The following PABIR2 variants were observed in gnomAD, a reference collection of about 807,000 sequenced individuals.
PABIR2 encodes the protein PABIR family member 2, also known as family with sequence similarity 122B.
PABIR2 carries 7 observed loss-of-function variants against 22.8 expected under a neutral mutation model. That is an observed-to-expected ratio of 0.31 (90% CI 0.17 to 0.58). PABIR2 has a LOEUF of 0.58. Ranked by LOEUF, PABIR2 falls within the 20% of genes least tolerant of loss-of-function variation. The pLI is 0.89. For synonymous variants in PABIR2, 67 were observed against 73.8 expected, an observed-to-expected ratio of 0.91 and a Z score of 0.47; for missense variants, 155 against 205.1, an observed-to-expected ratio of 0.76 and a Z score of 1.49.
Position 134,769,770 on chromosome X carries a change from G to T in PABIR2, c.*2369C>A, listed in dbSNP as rs1414643186. ...TTTCAAATAGAAGCCTGAAATATAT[G>T]ATATATATTAGAATAGGAAGAGAGA... On this transcript the variant is annotated 3_prime_UTR_variant, in exon 10 of 10. Coordinates refer to ENST00000343004, the MANE Select transcript of PABIR2 (RefSeq NM_001387468.1). 1 of 111,540 alleles carries T rather than the reference G, an allele frequency of 9.0e-6. No individual in the cohort carries two copies. Among genetic ancestry groups the T allele is most frequent in the Non-Finnish European group, 1.9e-5 (1 of 53,047 alleles). The allele number at this position is 111,540 out of a possible 1,213,427, so 9.2% of individuals were successfully genotyped here.
chrX:134,785,598 C>T (rs1034949826), intron 8 of PABIR2, among the ~76,000 whole-genome samples: 3 of 110,318 alleles, frequency 2.7e-5, no homozygotes, highest in South Asian at 3.9e-4. Context: ...CCTGCCACCA[C>T]GCCCAGCTAA....
chrX:134,787,761 G>A (rs1301341067), intron 6 of PABIR2, among the ~76,000 whole-genome samples: 1 of 103,895 alleles, frequency 9.6e-6, no homozygotes, highest in Admixed American at 1.1e-4. Flanking sequence ...GACTACAGGT[G>A]TGCGCCACCA....
At chrX:134,780,401 C>A (rs2079124683) in intron 9 of PABIR2, among the ~76,000 whole-genome samples, 1 of 111,472 alleles carries the variant, frequency 9.0e-6, no homozygotes, top group East Asian at 2.8e-4. Flanking sequence ...CATGGCAAAA[C>A]CCCATCTCCA....
intron 8 of PABIR2, among the ~76,000 whole-genome samples, chrX:134,785,337 T>C (rs936451534): frequency 9.0e-6 from 1 of 111,303 alleles, no homozygotes; most frequent in Non-Finnish European, 1.9e-5. Flanking sequence ...TTTTTCTTTT[T>C]CCCCCCAGCT....
intron 8 of PABIR2, among the ~76,000 whole-genome samples, chrX:134,784,080 C>CAA (rs760399864): frequency 4.1e-5 from 2 of 48,418 alleles, no homozygotes. Context: ...GACCTTGCCT[C>CAA]AAAAAAAAAA....
At chrX:134,795,134 C>T (rs2079701858) in intron 1 of PABIR2, among the ~76,000 whole-genome samples, 1 of 111,504 alleles carries the variant, frequency 9.0e-6, no homozygotes. Context: ...AAAAGTCACT[C>T]CTACATTCCC....
At chrX:134,776,658 A>C (rs1054605543) in intron 9 of PABIR2, among the ~76,000 whole-genome samples, 1 of 112,363 alleles carries the variant, frequency 8.9e-6, no homozygotes, top group Non-Finnish European at 1.9e-5. Flanking sequence ...AAGTATGCCT[A>C]ACTGGACACA....
At chrX:134,782,126 A>G (rs1405700709) in intron 8 of PABIR2, among the ~76,000 whole-genome samples, 1 of 112,359 alleles carries the variant, frequency 8.9e-6, no homozygotes, top group African/African-American at 3.2e-5. Context: ...CTTCTCACTC[A>G]TTATCCACAG....
rs1057366327 is a variant in PABIR2 at position 134,771,750 on chromosome X, G to A, written c.*389C>T. ...GGACAAAAAAAAATCTCTCAAGCAA[G>A]AGAATTTCTGATCAAATCTGTCATA... On this transcript the variant is annotated 3_prime_UTR_variant, in exon 10 of 10. Coordinates refer to ENST00000343004, the MANE Select transcript of PABIR2 (RefSeq NM_001387468.1). The A allele has an allele frequency of 2.5e-6, 2 of 800,875 alleles. No individual in the cohort carries two copies. The highest frequency in any genetic ancestry group is 4.4e-5 in the African/African-American group (2 of 45,160). 66.0% of individuals were successfully genotyped at this position (800,875 alleles called of 1,213,427 possible). A position where few individuals can be genotyped will look rare whatever the true frequency, so the allele number is the denominator to read the frequency against.
At chrX:134,787,397 G>T in intron 7 of PABIR2, 75 bp downstream of exon 7, 1 of 1,055,444 alleles carries the variant, frequency 9.5e-7, no homozygotes, top group Non-Finnish European at 1.3e-6. Flanking sequence ...ACTGCGCCCA[G>T]CCACAAAAAG....
At chrX:134,776,615 T>TAAAAGAAAAG (rs766488780) in intron 9 of PABIR2, among the ~76,000 whole-genome samples, 3 of 109,891 alleles carry the variant, frequency 2.7e-5, no homozygotes, top group Admixed American at 9.9e-5. Flanking sequence ...TTTCGTTTAG[T>TAAAAGAAAAG]AAAAGAAAAG....
intron 9 of PABIR2, among the ~76,000 whole-genome samples, chrX:134,780,373 C>T (rs921756745): frequency 1.8e-5 from 2 of 111,697 alleles, no homozygotes; most frequent in African/African-American, 6.5e-5. Context: ...GTCAGGAGTT[C>T]GAGACCAGCC....
At chrX:134,778,576 T>C (rs2079067814) in intron 9 of PABIR2, among the ~76,000 whole-genome samples, 1 of 109,899 alleles carries the variant, frequency 9.1e-6, no homozygotes, top group Non-Finnish European at 1.9e-5. Flanking sequence ...ATCATTAGTA[T>C]ATAAGGTGTC....
intron 9 of PABIR2, among the ~76,000 whole-genome samples, chrX:134,772,540 T>C (rs1301523558): frequency 1.8e-5 from 2 of 111,683 alleles, no homozygotes; most frequent in Non-Finnish European, 3.8e-5. Context: ...TAAACGTTCC[T>C]CGTGACATGC....
intron 9 of PABIR2, 100 bp from the exon 10 acceptor site, chrX:134,772,383 T>C: frequency 1.2e-6 from 1 of 829,619 alleles, no homozygotes; most frequent in South Asian, 3.2e-5. Context: ...AGTAAATCAC[T>C]TGTAAATAAT....
rs764212202 is a variant in PABIR2 at position 134,788,082 on chromosome X, T to TTA, written c.436-551_436-550dup. On this transcript the variant is annotated intron_variant, in intron 6 of 9. Transcript: ENST00000343004. Reference sequence around the variant, plus strand: ...ACGTTATATATATGTAATATACACGTTATATGTGTAATATATACACGTTAT... The same window carrying TTA: ...ACGTTATATATATGTAATATACACGTTATATATGTGTAATATATACACGTTAT... Among the ~76,000 whole-genome samples, 13 of 106,518 alleles carry TTA rather than the reference T, an allele frequency of 1.2e-4. No individual in the cohort carries two copies. The South Asian group carries it at 1.9e-3, about 16-fold the overall frequency. The allele number at this position is 106,518 out of a possible 115,157, so 92.5% of individuals were successfully genotyped here. A position where few individuals can be genotyped will look rare whatever the true frequency, so the allele number is the denominator to read the frequency against.
At chrX:134,780,048 G>A (rs2079116207) in intron 9 of PABIR2, among the ~76,000 whole-genome samples, 3 of 112,507 alleles carry the variant, frequency 2.7e-5, no homozygotes, top group Admixed American at 9.4e-5. Context: ...AATCTAAAAG[G>A]CATCTATCTG....
chrX:134,796,520 G>A lies in PABIR2; in HGVS notation c.-315C>T. The A allele has an allele frequency of 4.7e-6, 1 of 214,625 alleles. No homozygotes were observed. The highest frequency in any genetic ancestry group is 8.6e-6 in the Non-Finnish European group (1 of 116,683). The allele number at this position is 214,625 out of a possible 1,213,427, so 17.7% of individuals were successfully genotyped here. ...GGATGGAGGGAAAACAAGGATGGAG[G>A]GAGGAGGGAAGAGGGAGGGAAAAGG... On this transcript the variant is annotated 5_prime_UTR_variant, in exon 1 of 10. Transcript: ENST00000343004.
chrX:134,772,347 G>T, intron 9 of PABIR2, 64 bp from the exon 10 acceptor site: 1 of 1,051,336 alleles, frequency 9.5e-7, no homozygotes, highest in Non-Finnish European at 1.3e-6. Context: ...AACATGCAAT[G>T]ACACAGTTTC....
Sources: gnomAD v4.1 joint callset for allele counts (sites outside exome capture counted in the v4.1 genomes callset) on GRCh38, gnomAD v4.1.1 for gene constraint, MANE v1.5 for transcripts, NCBI Gene and HGNC (gene_info 2026-07-23, HGNC 2026-07-21) for gene names.